FRMPD4: variants seen among roughly 807,000 people sequenced by gnomAD.
The protein encoded by FRMPD4 is FERM and PDZ domain containing 4.
In FRMPD4, 22 loss-of-function variants were observed where a neutral mutation model predicts 94.1. That is an observed-to-expected ratio of 0.23 (90% CI 0.17 to 0.33). The LOEUF is 0.33. FRMPD4 is among the 10% of genes least tolerant of loss of function. The pLI, the probability that FRMPD4 is intolerant of heterozygous loss-of-function variation, is 1.00. For missense variants in FRMPD4, 1,111 were observed against 1,339.9 expected (o/e 0.83, Z 2.67); for synonymous variants, 631 against 548.6 (o/e 1.15, Z -2.10).
intron 3 of FRMPD4, among the ~76,000 whole-genome samples, chrX:12,076,003 G>T (rs1786893103): frequency 9.0e-6 from 1 of 111,710 alleles, no homozygotes; most frequent in Non-Finnish European, 1.9e-5. Context: ...TTGTTTTGTT[G>T]TTGTTGTTTT....
chrX:12,714,678 G>A (rs1231642647), intron 14 of FRMPD4, among the ~76,000 whole-genome samples: 1 of 111,172 alleles, frequency 9.0e-6, no homozygotes, highest in Non-Finnish European at 1.9e-5. Context: ...TACAGAAAAT[G>A]TTTGCCAAGC....
chrX:11,843,838 C>T (rs1207692324), intron 1 of FRMPD4, among the ~76,000 whole-genome samples: 1 of 111,551 alleles, frequency 9.0e-6, no homozygotes, highest in East Asian at 2.8e-4. Context: ...AGGCACGAGC[C>T]ACTGTACCTG....
intron 1 of FRMPD4, among the ~76,000 whole-genome samples, chrX:12,243,591 C>T (rs2053909158): frequency 1.8e-5 from 2 of 109,932 alleles, no homozygotes; most frequent in South Asian, 8.0e-4. Context: ...ATTCACAAAA[C>T]TGAAGATGCT....
Position 12,484,309 on chromosome X carries a change from A to C in FRMPD4, c.42-14371A>C, listed in dbSNP as rs1486588498. ...ACCAGATGAATGGGATTGCTGGAGC[A>C]GAAGGAGAAATACACAGCCCATAAA... On this transcript the variant is annotated intron_variant, in intron 1 of 16. Transcript: ENST00000675598. 2.7e-5 allele frequency among the ~76,000 whole-genome samples: 3 copies of C among 112,348 alleles called. No homozygotes were observed. The Admixed American group carries it at 2.8e-4, about 11-fold the overall frequency.
intron 1 of FRMPD4, among the ~76,000 whole-genome samples, chrX:12,233,078 T>A (rs1416327117): frequency 8.9e-6 from 1 of 112,228 alleles, no homozygotes; most frequent in South Asian, 3.7e-4. Flanking sequence ...CCTCCCACTC[T>A]ACGCTCTTGT....
intron 1 of FRMPD4, among the ~76,000 whole-genome samples, chrX:12,233,546 T>G (rs1028460454): frequency 8.9e-6 from 1 of 111,750 alleles, no homozygotes. Context: ...CTTCCTTTTG[T>G]TCTTTCAAAA....
intron 1 of FRMPD4, among the ~76,000 whole-genome samples, chrX:11,831,628 G>A (rs747007608): frequency 8.3e-4 from 93 of 111,438 alleles, no homozygotes; most frequent in African/African-American, 3.0e-3. Flanking sequence ...CAGCAAAGAT[G>A]TTTCATGTAA....
intron 1 of FRMPD4, among the ~76,000 whole-genome samples, chrX:12,345,387 T>A (rs2055690516): frequency 1.8e-5 from 2 of 111,728 alleles, no homozygotes; most frequent in Non-Finnish European, 3.8e-5. Context: ...AGCATCAGTT[T>A]AAGAAGACAC....
Position 12,172,959 on chromosome X carries a change from A to G in FRMPD4, c.41+33947A>G, listed in dbSNP as rs1001031430. Among the ~76,000 whole-genome samples, 5 of 113,022 alleles carry G rather than the reference A, an allele frequency of 4.4e-5. No individual in the cohort carries two copies. In the South Asian group the frequency reaches 1.8e-3, roughly 41 times the overall value. ...ATTATAGTCTCCGCTTTACATTTGC[A>G]TAACTAAATAGTCCATTCAAGCAGC... On this transcript the variant is annotated intron_variant, in intron 1 of 16. Coordinates refer to ENST00000675598, the MANE Select transcript of FRMPD4 (RefSeq NM_001368397.1).
At chrX:11,848,402 A>G (rs994211875) in intron 1 of FRMPD4, among the ~76,000 whole-genome samples, 2 of 111,587 alleles carry the variant, frequency 1.8e-5, no homozygotes, top group African/African-American at 6.5e-5. Flanking sequence ...TTGGTCAGAA[A>G]GTTGTGCTTA....
At chrX:12,083,843 C>T (rs2147486952) in intron 3 of FRMPD4, among the ~76,000 whole-genome samples, 1 of 111,907 alleles carries the variant, frequency 8.9e-6, no homozygotes, top group South Asian at 3.7e-4. Context: ...TTTGTTTTGG[C>T]GAATTTCTCC....
At chrX:12,100,535 A>T (rs779493631) in intron 3 of FRMPD4, among the ~76,000 whole-genome samples, 2 of 105,793 alleles carry the variant, frequency 1.9e-5, no homozygotes, top group African/African-American at 6.8e-5. Context: ...ACATCTAAAT[A>T]AAAAAAAAAA....
intron 9 of FRMPD4, among the ~76,000 whole-genome samples, chrX:12,699,358 A>G (rs2060164628): frequency 8.9e-6 from 1 of 112,446 alleles, no homozygotes; most frequent in South Asian, 3.7e-4. Context: ...CAATCCAAAT[A>G]GGTTTAAGAT....
chrX:11,988,433 C>T lies in FRMPD4; in HGVS notation c.95+110415C>T, dbSNP rs760295632. ...GCTATCTCTCATTAAATACAAAAAT[C>T]AAATCAAAATGGATTAAAGACTTAA... On this transcript the variant is annotated intron_variant, in intron 3 of 18. Transcript: ENST00000640291. Among the ~76,000 whole-genome samples the T allele has an allele frequency of 2.0e-3, 224 of 111,897 alleles. 1 individual carries two copies. Among genetic ancestry groups the T allele is most frequent in the African/African-American group, 6.6e-3 (203 of 30,833 alleles).
chrX:12,650,285 G>GGGCT (rs1240321942), intron 4 of FRMPD4, among the ~76,000 whole-genome samples: 1 of 111,548 alleles, frequency 9.0e-6, no homozygotes, highest in Non-Finnish European at 1.9e-5. Context: ...AGAGTGTGAG[G>GGGCT]GGCTCCCCAC....
Position 12,192,578 on chromosome X carries a change from A to G in FRMPD4, c.41+53566A>G, listed in dbSNP as rs777997307. Among the ~76,000 whole-genome samples, 17 of 111,391 alleles carry G rather than the reference A, an allele frequency of 1.5e-4. No homozygotes were observed. The South Asian group carries it at 3.8e-3, about 25-fold the overall frequency. ...CCAGTCAAGCATGACAGAAGGATTAACCTCCTTGCCATCTGCTTCCCTACC... is the reference window on the plus strand; with the variant it reads ...CCAGTCAAGCATGACAGAAGGATTAGCCTCCTTGCCATCTGCTTCCCTACC... On this transcript the variant is annotated intron_variant, in intron 1 of 16. Transcript: ENST00000675598.
chrX:12,130,777 C>T (rs970871859), intron 3 of FRMPD4, among the ~76,000 whole-genome samples: 3 of 110,386 alleles, frequency 2.7e-5, no homozygotes, highest in African/African-American at 9.9e-5. Context: ...TTTGTCTAGT[C>T]AGGGGGCCAA....
At chrX:12,152,238 A>G (rs1035310815) in intron 1 of FRMPD4, among the ~76,000 whole-genome samples, 8 of 112,098 alleles carry the variant, frequency 7.1e-5, no homozygotes, top group African/African-American at 1.3e-4. Context: ...TTGTTTTACC[A>G]TATAATGGGC....
At chrX:12,714,927 A>G (rs2042052082) in intron 14 of FRMPD4, among the ~76,000 whole-genome samples, 1 of 112,786 alleles carries the variant, frequency 8.9e-6, no homozygotes, top group Non-Finnish European at 1.9e-5. Context: ...ACATGAATTT[A>G]TTAAAATGAC....
Sources: gnomAD v4.1 joint callset for allele counts (sites outside exome capture counted in the v4.1 genomes callset) on GRCh38, gnomAD v4.1.1 for gene constraint, MANE v1.5 for transcripts, NCBI Gene and HGNC (gene_info 2026-07-23, HGNC 2026-07-21) for gene names.